EBF1: variants seen among roughly 807,000 people sequenced by gnomAD.
EBF1 encodes transcription factor COE1.
Under a neutral mutation model 68.4 loss-of-function variants are expected in EBF1, and 10 were observed. The observed-to-expected ratio is 0.15, with a 90% CI of 0.09 to 0.25. The LOEUF is 0.25. EBF1 is among the 10% of genes least tolerant of loss of function. EBF1 has a pLI of 1.00. For missense variants in EBF1, 509 were observed against 794.4 expected, an observed-to-expected ratio of 0.64 and a Z score of 4.32; for synonymous variants, 298 against 299.8, an observed-to-expected ratio of 0.99 and a Z score of 0.06.
chr5:158,840,660 T>G (rs12513415), intron 6 of EBF1, among the ~76,000 whole-genome samples: 2,830 of 93,746 alleles, frequency 0.03, 75 homozygotes, highest in African/African-American at 0.084. Context: ...TTTTTTTTTT[T>G]TTTTTTTTTT....
At chr5:158,868,276 G>A (rs1796288392) in intron 6 of EBF1, among the ~76,000 whole-genome samples, 1 of 152,044 alleles carries the variant, frequency 6.6e-6, no homozygotes, top group Non-Finnish European at 1.5e-5. Context: ...ATGGCTGAGA[G>A]TTTAATTCTT....
rs1286047544 is a variant in EBF1, at chr5:159,005,471, C to A, written c.554+67925G>T. The stretch of plus-strand genomic sequence containing the variant: ...GGGACTCTTCCTATTTTCTCCCCAG[C>A]AAATTGAAAATGATATTTGTAACCT... On this transcript the variant is annotated intron_variant, in intron 6 of 15. Transcript: ENST00000313708. Among the ~76,000 whole-genome samples the A allele has an allele frequency of 2.6e-5, 4 of 152,184 alleles. No homozygotes were observed. The East Asian group carries it at 7.7e-4, about 29-fold the overall frequency.
chr5:158,930,194 A>G (rs1173213905), intron 6 of EBF1, among the ~76,000 whole-genome samples: 1 of 151,822 alleles, frequency 6.6e-6, no homozygotes, highest in African/African-American at 2.4e-5. Flanking sequence ...TTGGCTGCCA[A>G]TTCAAATTAC....
intron 8 of EBF1, among the ~76,000 whole-genome samples, chr5:158,806,892 T>C (rs528919466): frequency 6.6e-6 from 1 of 152,266 alleles, no homozygotes; most frequent in East Asian, 1.9e-4. Context: ...TTGATCCCAT[T>C]ACTCAATCTG....
chr5:158,703,383 T>C (rs1162371505), intron 15 of EBF1, among the ~76,000 whole-genome samples: 1 of 152,232 alleles, frequency 6.6e-6, no homozygotes, highest in Non-Finnish European at 1.5e-5. Context: ...TTAAGTGTTC[T>C]TAACATGCAG....
intron 12 of EBF1, among the ~76,000 whole-genome samples, chr5:158,713,562 TC>T (rs1166250270): frequency 1.3e-5 from 2 of 152,106 alleles, no homozygotes; most frequent in Non-Finnish European, 2.9e-5. Context: ...GCAATTCACC[TC>T]CCCTATTGAT....
At chr5:159,003,639 A>C in intron 6 of EBF1, among the ~76,000 whole-genome samples, 1 of 152,212 alleles carries the variant, frequency 6.6e-6, no homozygotes, top group East Asian at 1.9e-4. Context: ...AGAATGTTCT[A>C]ATTCTTAGCA....
At chr5:159,010,216 A>T (rs988865929) in intron 6 of EBF1, among the ~76,000 whole-genome samples, 15 of 152,220 alleles carry the variant, frequency 9.9e-5, no homozygotes, top group Admixed American at 6.5e-5. Flanking sequence ...CGCAGATGAG[A>T]TGGAGATGAG....
intron 9 of EBF1, among the ~76,000 whole-genome samples, chr5:158,793,558 A>G: frequency 6.6e-6 from 1 of 151,788 alleles, no homozygotes; most frequent in East Asian, 1.9e-4. Context: ...ATTAACTAGG[A>G]CTTTTCCTTC....
intron 9 of EBF1, among the ~76,000 whole-genome samples, chr5:158,787,334 C>T (rs1777656241): frequency 1.3e-5 from 2 of 152,192 alleles, no homozygotes; most frequent in South Asian, 4.1e-4. Flanking sequence ...TCAGCTGTCA[C>T]TGAGCCTGTA....
intron 6 of EBF1, among the ~76,000 whole-genome samples, chr5:158,845,745 GATA>G (rs1172460421): frequency 1.4e-5 from 2 of 145,936 alleles, no homozygotes; most frequent in Admixed American, 6.8e-5. Context: ...ACCAAAGAAA[GATA>G]ATAATGACTA....
chr5:158,863,633 G>A (rs1401957692), intron 6 of EBF1, among the ~76,000 whole-genome samples: 1 of 152,072 alleles, frequency 6.6e-6, no homozygotes, highest in East Asian at 1.9e-4. Context: ...GAGTATCATG[G>A]CTTATTATAA....
At chr5:158,753,328 G>T (rs922389653) in intron 10 of EBF1, among the ~76,000 whole-genome samples, 1 of 151,972 alleles carries the variant, frequency 6.6e-6, no homozygotes, top group South Asian at 2.1e-4. Context: ...AACAACAAAA[G>T]AACTATTAAA....
rs557078445 is a variant in EBF1, at chr5:159,060,590, T to A, written c.554+12806A>T. ...TTTATCCTTTTTTTTTCTTTTTGCA[T>A]GCTTCAAAAGTATTTTGTACAGTCA... On this transcript the variant is annotated intron_variant, in intron 6 of 15. Coordinates refer to ENST00000313708, the MANE Select transcript of EBF1 (RefSeq NM_024007.5). Among the ~76,000 whole-genome samples, 173 of 152,306 alleles carry A rather than the reference T, an allele frequency of 1.1e-3. 1 individual carries two copies. Among genetic ancestry groups the A allele is most frequent in the Non-Finnish European group, 2.1e-3 (141 of 68,006 alleles).
chr5:158,854,925 C>A (rs1187528140), intron 6 of EBF1, among the ~76,000 whole-genome samples: 1 of 152,144 alleles, frequency 6.6e-6, no homozygotes, highest in African/African-American at 2.4e-5. Context: ...TTCTTACCAC[C>A]ACCCCTTAAT....
At chr5:159,065,297 G>A (rs1776590990) in intron 6 of EBF1, among the ~76,000 whole-genome samples, 1 of 152,128 alleles carries the variant, frequency 6.6e-6, no homozygotes, top group African/African-American at 2.4e-5. Context: ...AAGTTACCCA[G>A]CTGGGCTCCT....
chr5:159,024,784 C>T (rs370184654), intron 6 of EBF1, among the ~76,000 whole-genome samples: 6 of 152,274 alleles, frequency 3.9e-5, no homozygotes, highest in African/African-American at 1.4e-4. Flanking sequence ...GTAAGAGTGA[C>T]CACTAACCAG....
intron 15 of EBF1, among the ~76,000 whole-genome samples, chr5:158,700,511 T>TAAA (rs76186329): frequency 7.6e-6 from 1 of 131,566 alleles, no homozygotes. Context: ...AATGTGCCTT[T>TAAA]AAAAAAAAAA....
chr5:158,786,084 C>T (rs1777375839), intron 9 of EBF1, among the ~76,000 whole-genome samples: 4 of 152,018 alleles, frequency 2.6e-5, no homozygotes, highest in Admixed American at 2.6e-4. Context: ...ACTAAAGTTT[C>T]TTATGAATCT....
Sources: gnomAD v4.1 joint callset for allele counts (sites outside exome capture counted in the v4.1 genomes callset) on GRCh38, gnomAD v4.1.1 for gene constraint, MANE v1.5 for transcripts, NCBI Gene and HGNC (gene_info 2026-07-23, HGNC 2026-07-21) for gene names.